Variants in CFP observed in about 807,000 individuals in gnomAD.
CFP encodes the protein complement factor properdin.
CFP carries 14 observed loss-of-function variants against 42.1 expected under a neutral mutation model. The ratio of observed to expected loss-of-function variants is 0.33; its 90% CI spans 0.22 to 0.52. The LOEUF is 0.52. Among genes scored for constraint, CFP ranks in the 20% least tolerant of loss-of-function variants. The probability of loss-of-function intolerance (pLI) is 0.96; values close to 1 mark genes in which losing one functional copy is unlikely to be tolerated. For synonymous variants in CFP, 149 were observed against 160.6 expected, an observed-to-expected ratio of 0.93 and a Z score of 0.54; for missense variants, 318 against 400.4, an observed-to-expected ratio of 0.79 and a Z score of 1.76.
chrX:47,626,496 C>A lies in CFP; in HGVS notation c.964G>T (p.Gly322Trp). ...CPVDGEWDSW[G>W]EWSPCIRRNM... ...CGTCGGATACAGGGGCTCCACTCCC[C>A]CCACGAGTCCCACTCCCCATCCACT... Residue 322 changes from glycine (G) to tryptophan (W), a missense_variant, in exon 7 of 9, where the codon GGG becomes TGG. By Grantham distance (184) the Gly-to-Trp change is radical. Coordinates refer to ENST00000396992, the MANE Select transcript of CFP (RefSeq NM_001145252.3). 1 of 1,211,676 alleles carries A rather than the reference C, an allele frequency of 8.3e-7. No homozygotes were observed. Among genetic ancestry groups the A allele is most frequent in the Non-Finnish European group, 1.1e-6 (1 of 895,405 alleles).
Position 47,624,138 on chromosome X carries a change from C to T in CFP, c.*137G>A, listed in dbSNP as rs2057958802. ...CTTGGCCCGTGCTGTGCTGTTTGCCCTATGAGATGCTATCACCCTACTTTT... is the reference window on the plus strand; with the variant it reads ...CTTGGCCCGTGCTGTGCTGTTTGCCTTATGAGATGCTATCACCCTACTTTT... On this transcript the variant is annotated 3_prime_UTR_variant, in exon 9 of 9. Coordinates refer to ENST00000396992, the MANE Select transcript of CFP (RefSeq NM_001145252.3). 2 of 650,450 alleles carry T rather than the reference C, an allele frequency of 3.1e-6. No homozygotes were observed. The highest frequency in any genetic ancestry group is 4.4e-5 in the African/African-American group (2 of 45,975). 53.6% of individuals were successfully genotyped at this position (650,450 alleles called of 1,213,427 possible). A position where few individuals can be genotyped will look rare whatever the true frequency, so the allele number is the denominator to read the frequency against.
intron 8 of CFP, chrX:47,625,115 C>G (rs1013803611): frequency 5.4e-5 from 6 of 111,864 alleles, no homozygotes; most frequent in African/African-American, 2.0e-4. Flanking sequence ...CAAGCTCAGT[C>G]CCTGTCCAGA....
chrX:47,626,808 C>T lies in CFP; in HGVS notation c.905G>A (p.Arg302Gln), dbSNP rs1159266097. 5.0e-6 allele frequency: 6 copies of T among 1,209,672 alleles called. No individual in the cohort carries two copies. Among genetic ancestry groups the T allele is most frequent in the East Asian group, 5.9e-5 (2 of 33,739 alleles). The stretch of plus-strand genomic sequence containing the variant: ...CACAGCTGTGTTGCAGATGTGGGTC[C>T]GGGTGGCATCGCCAGCACAGAAGGG... Reference protein sequence around the residue: ...GGPFCAGDATRTHICNTAVPC... With the variant: ...GGPFCAGDATQTHICNTAVPC... The change falls in exon 6 of 9, where the codon CGG becomes CAG. Residue 302 changes from arginine (R) to glutamine (Q), a missense_variant. Coordinates refer to ENST00000396992, the MANE Select transcript of CFP (RefSeq NM_001145252.3).
chrX:47,624,646 C>T, intron 8 of CFP: 2 of 361,869 alleles, frequency 5.5e-6, no homozygotes, highest in Non-Finnish European at 9.3e-6. Context: ...CCTCAATCTC[C>T]TGGGCTCAAG....
chrX:47,623,826 C>T lies in CFP; in HGVS notation c.*449G>A, dbSNP rs932631328. 1 of 140,609 alleles carries T rather than the reference C, an allele frequency of 7.1e-6. No homozygotes were observed. The highest frequency in any genetic ancestry group is 1.4e-5 in the Non-Finnish European group (1 of 70,090). 11.6% of individuals were successfully genotyped at this position (140,609 alleles called of 1,213,427 possible). ...GCCGGCAGAGGCTCCTCCAGGGTTC[C>T]GGCTGGTGGGAATCTAGGGAGGTCC... is the stretch of plus-strand genomic sequence containing the variant. On this transcript the variant is annotated 3_prime_UTR_variant, in exon 9 of 9. Coordinates refer to ENST00000396992, the MANE Select transcript of CFP (RefSeq NM_001145252.3).
chrX:47,629,667 G>A lies in CFP; in HGVS notation c.84C>T (p.Asp28=), dbSNP rs973086156. The A allele has an allele frequency of 4.6e-6, 5 of 1,081,937 alleles. No homozygotes were observed. In the African/African-American group the frequency reaches 5.7e-5, roughly 12 times the overall value. 89.2% of individuals were successfully genotyped at this position (1,081,937 alleles called of 1,213,427 possible). The stretch of plus-strand genomic sequence containing the variant: ...CATACTGGGTGAAGCAGAGCACGGG[G>A]TCTGAGCCTGTAACAGGGCCAGGGG... The part of the protein sequence containing the change: ...LLLTLPATGS[D]PVLCFTQYEE... Residue 28 remains aspartate (D), a synonymous_variant, in exon 2 of 9, where the codon GAC becomes GAT. Transcript: ENST00000396992.
At chrX:47,630,273 G>A (rs1427026518), upstream of CFP, 1 of 183,186 alleles carries the variant, frequency 5.5e-6, no homozygotes, top group South Asian at 8.5e-5. Flanking sequence ...TCGTGGGGGT[G>A]TTGAACCAGG....
At position 47,624,173 on chromosome X, in the gene CFP, G is replaced by T. The variant is rs2057958878; in HGVS notation, c.*102C>A. On this transcript the variant is annotated 3_prime_UTR_variant, in exon 9 of 9. Transcript: ENST00000396992. ...CTATCACCCTACTTTTGGGGAAGGG[G>T]ATAGGTTGTTTTTCCTCCTTTAAGG... 4 of 925,930 alleles carry T rather than the reference G, an allele frequency of 4.3e-6. No individual in the cohort carries two copies. Among genetic ancestry groups the T allele is most frequent in the Non-Finnish European group, 6.3e-6 (4 of 636,436 alleles). The allele number at this position is 925,930 out of a possible 1,213,427, so 76.3% of individuals were successfully genotyped here. A position where few individuals can be genotyped will look rare whatever the true frequency, so the allele number is the denominator to read the frequency against.
chrX:47,630,269 G>C (rs2057986012), upstream of CFP: 2 of 187,757 alleles, frequency 1.1e-5, no homozygotes, highest in Admixed American at 6.9e-5. Context: ...AACCTCGTGG[G>C]GGTGTTGAAC....
In CFP at chrX:47,626,394, C is replaced by A; in HGVS notation, c.1066G>T (p.Asp356Tyr). 1 of 1,211,719 alleles carries A rather than the reference C, an allele frequency of 8.3e-7. No individual in the cohort carries two copies. Among genetic ancestry groups the A allele is most frequent in the Non-Finnish European group, 1.1e-6 (1 of 895,465 alleles). The change falls in exon 7 of 9, where the codon GAC becomes TAC. Residue 356 changes from aspartate to tyrosine, a missense_variant. Physicochemically the swap from Asp to Tyr is radical, Grantham distance 160 (BLOSUM62 -3). Transcript: ENST00000396992. ...TGTTGCCCGGCACATCGATGTCCGT[C>A]AAACTTGCGGCCCCTGCAGGTCCTC... ...RGRTCRGRKFDGHRCAGQQQD... is the reference protein window; with the variant it reads ...RGRTCRGRKFYGHRCAGQQQD...
intron 2 of CFP, 34 bp downstream of exon 2, chrX:47,629,490 T>TCCCC: frequency 2.7e-6 from 1 of 375,008 alleles, no homozygotes; most frequent in Admixed American, 4.1e-5. Flanking sequence ...AGTCCTTCCC[T>TCCCC]CCCCCCCATC....
Position 47,629,572 on chromosome X carries a change from G to A in CFP, c.179C>T (p.Thr60Ile). The change falls in exon 2 of 9, where the codon ACT becomes ATT. Residue 60 changes from threonine (T) to isoleucine (I), a missense_variant. Thr to Ile is a moderately conservative substitution (Grantham distance 89). Transcript: ENST00000396992. ...ACTACGTTTCTGGTAGGCAAAGGCAGTGTTGAGACAGCAGTCTTCCACGCT... is the reference window on the plus strand; with the variant it reads ...ACTACGTTTCTGGTAGGCAAAGGCAATGTTGAGACAGCAGTCTTCCACGCT... ...GVSVEDCCLN[T>I]AFAYQKRSGG... 8.6e-7 allele frequency: 1 copy of A among 1,157,125 alleles called. No homozygotes were observed.
At chrX:47,626,642 G>C (rs2057969679) in intron 6 of CFP, 123 bp from the exon 7 acceptor site, 7 of 1,030,934 alleles carry the variant, frequency 6.8e-6, no homozygotes, top group Non-Finnish European at 9.4e-6. Flanking sequence ...GGGACCAGGG[G>C]TGGAAACAAG....
At chrX:47,627,960 C>T (rs1399570609) in intron 3 of CFP, 142 bp downstream of exon 3, 2 of 757,606 alleles carry the variant, frequency 2.6e-6, no homozygotes, top group African/African-American at 4.2e-5. Flanking sequence ...CTCCTCACCT[C>T]TCTGACCTCA....
In CFP at chrX:47,627,295, G is replaced by A. The variant is rs1031008836; in HGVS notation, c.612C>T (p.Pro204=). The part of the protein sequence containing the change: ...GAWATWGPWT[P]CSASCHGGPH... The stretch of plus-strand genomic sequence containing the variant: ...GTCCACCGTGGCAGGAGGCTGAGCA[G>A]GGGGTCCAGGGGCCCCAGGTGGCCC... The change falls in exon 5 of 9, where the codon CCC becomes CCT. Residue 204 remains proline, a synonymous_variant. Transcript: ENST00000396992. The A allele has an allele frequency of 7.5e-6, 9 of 1,202,145 alleles. No individual in the cohort carries two copies. The highest frequency in any genetic ancestry group is 1.0e-5 in the Non-Finnish European group (9 of 890,157).
rs2057959898 is a variant in CFP, at chrX:47,624,365, C to T, written c.1320G>A (p.Glu440=). 3 of 1,210,176 alleles carry T rather than the reference C, an allele frequency of 2.5e-6. No homozygotes were observed. The change falls in exon 9 of 9, where the codon GAG becomes GAA. Residue 440 remains glutamate (E), a synonymous_variant. Coordinates refer to ENST00000396992, the MANE Select transcript of CFP (RefSeq NM_001145252.3). Reference sequence around the variant, plus strand: ...CCACCAGCTTCTGCCCTTGTAGCTCCTCACACCGTGGCAGCGGTCTCCCCC... The same window carrying T: ...CCACCAGCTTCTGCCCTTGTAGCTCTTCACACCGTGGCAGCGGTCTCCCCC... ...TFWGRPLPRC[E]ELQGQKLVVE...
At chrX:47,628,333 T>G (rs765043659) in intron 2 of CFP, 56 bp from the exon 3 acceptor site, 115 of 1,125,051 alleles carry the variant, frequency 1.0e-4, no homozygotes, top group Non-Finnish European at 1.3e-4. Flanking sequence ...GAATGGCATG[T>G]GGGACTCCAG....
intron 2 of CFP, 84 bp from the exon 3 acceptor site, chrX:47,628,361 AG>A (rs1232298542): frequency 4.1e-6 from 4 of 965,413 alleles, no homozygotes; most frequent in South Asian, 2.1e-5. Flanking sequence ...GCAGACACGA[AG>A]GGTTGCTAGG....
rs766160459 is a variant in CFP at position 47,626,848 on chromosome X, G to A, written c.865C>T (p.Pro289Ser). ...GCACAGAAGGGGCCCCCATGCTGGG[G>A]CACAGGGTGATTGCACGTCCGTTGT... The part of the protein sequence containing the change: ...MEQRTCNHPV[P>S]QHGGPFCAGD... Residue 289 changes from proline (P) to serine (S), a missense_variant, in exon 6 of 9, where the codon CCC becomes TCC. Coordinates refer to ENST00000396992, the MANE Select transcript of CFP (RefSeq NM_001145252.3). The A allele has an allele frequency of 3.1e-5, 37 of 1,209,405 alleles. No homozygotes were observed. In the South Asian group the frequency reaches 6.2e-4, roughly 20 times the overall value.
Sources: gnomAD v4.1 joint callset for allele counts on GRCh38, gnomAD v4.1.1 for gene constraint, MANE v1.5 for transcripts, NCBI Gene and HGNC (gene_info 2026-07-23, HGNC 2026-07-21) for gene names.